Variants in DTNBP1 observed in about 807,000 individuals in gnomAD.
DTNBP1 encodes the protein dysbindin.
In DTNBP1, 35 loss-of-function variants were observed where a neutral mutation model predicts 42.8. The observed-to-expected ratio is 0.82, with a 90% CI of 0.63 to 1.09. DTNBP1 has a LOEUF of 1.09. DTNBP1 is among the 50% of genes least tolerant of loss of function. The pLI, the probability that DTNBP1 is intolerant of heterozygous loss-of-function variation, is 0.00. For missense variants in DTNBP1, 457 were observed against 424.2 expected (o/e 1.08, Z -0.68); for synonymous variants, 171 against 162.2 (o/e 1.05, Z -0.41).
intron 6 of DTNBP1, among the ~76,000 whole-genome samples, chr6:15,609,624 T>G (rs981878419): frequency 1.3e-5 from 2 of 152,214 alleles, no homozygotes; most frequent in African/African-American, 4.8e-5. Context: ...CAGCCTCGTT[T>G]TTAAGTTTTC....
intron 7 of DTNBP1, among the ~76,000 whole-genome samples, chr6:15,572,133 A>G (rs1429065549): frequency 6.6e-6 from 1 of 152,190 alleles, no homozygotes; most frequent in African/African-American, 2.4e-5. Flanking sequence ...CATTTATTCC[A>G]TATTTATTGT....
At chr6:15,572,151 G>A (rs1581341345) in intron 7 of DTNBP1, among the ~76,000 whole-genome samples, 2 of 152,110 alleles carry the variant, frequency 1.3e-5, no homozygotes, top group Non-Finnish European at 2.9e-5. Flanking sequence ...TGTATGGCTA[G>A]CACTGTTATT....
chr6:15,640,201 T>TA (rs1214604212), intron 3 of DTNBP1, among the ~76,000 whole-genome samples: 2 of 152,220 alleles, frequency 1.3e-5, no homozygotes, highest in South Asian at 2.1e-4. Context: ...AATCAGCACT[T>TA]AAAAAAAATT....
rs1760238964 is a variant in DTNBP1 at position 15,639,903 on chromosome 6, G to A, written c.162-2099C>T. On this transcript the variant is annotated intron_variant, in intron 3 of 9. Coordinates refer to ENST00000344537, the MANE Select transcript of DTNBP1 (RefSeq NM_032122.5). ...AATTAATCCTCACTTGCCAAATTTA[G>A]ACTCCAGATCACTTTTCCTAACATC... Among the ~76,000 whole-genome samples, 4 of 152,148 alleles carry A rather than the reference G, an allele frequency of 2.6e-5. No homozygotes were observed. The South Asian group carries it at 6.2e-4, about 24-fold the overall frequency.
chr6:15,594,557 C>G (rs1246538370), intron 6 of DTNBP1, among the ~76,000 whole-genome samples: 1 of 151,826 alleles, frequency 6.6e-6, no homozygotes, highest in African/African-American at 2.4e-5. Flanking sequence ...TTCTTAAAAG[C>G]TTAGCTAGGT....
At chr6:15,604,316 G>A (rs923993725) in intron 6 of DTNBP1, among the ~76,000 whole-genome samples, 1 of 152,194 alleles carries the variant, frequency 6.6e-6, no homozygotes, top group African/African-American at 2.4e-5. Flanking sequence ...AAGTTCTCCT[G>A]CTCCCCTTTT....
chr6:15,590,858 G>A (rs1776270776), intron 7 of DTNBP1, among the ~76,000 whole-genome samples: 1 of 152,036 alleles, frequency 6.6e-6, no homozygotes, highest in African/African-American at 2.4e-5. Context: ...TAACTTTGAG[G>A]GTTACTAATT....
intron 7 of DTNBP1, chr6:15,548,440 C>CAG (rs1404322624): frequency 0.081 from 2,366 of 29,370 alleles, 49 homozygotes; most frequent in African/African-American, 0.18. Context: ...CACACACAGA[C>CAG]ACACACACAC....
chr6:15,616,624 A>G (rs1296192916), intron 5 of DTNBP1, among the ~76,000 whole-genome samples: 5 of 152,150 alleles, frequency 3.3e-5, no homozygotes, highest in African/African-American at 9.7e-5. Context: ...GCTACAATAT[A>G]ATTCCTTCAT....
intron 4 of DTNBP1, among the ~76,000 whole-genome samples, chr6:15,627,861 C>G (rs918698957): frequency 6.6e-6 from 1 of 150,858 alleles, no homozygotes; most frequent in African/African-American, 2.4e-5. Context: ...ACATAATTAA[C>G]GGGTAATTAT....
At chr6:15,574,546 C>T (rs1432758845) in intron 7 of DTNBP1, among the ~76,000 whole-genome samples, 5 of 152,208 alleles carry the variant, frequency 3.3e-5, no homozygotes, top group Non-Finnish European at 5.9e-5. Flanking sequence ...TTTCAGTTTG[C>T]TCTGAGCATA....
intron 4 of DTNBP1, among the ~76,000 whole-genome samples, chr6:15,629,597 TAATTATCAAC>T (rs1025307105): frequency 4.6e-5 from 7 of 152,282 alleles, no homozygotes; most frequent in Admixed American, 2.6e-4. Flanking sequence ...AAATTATCAA[TAATTATCAAC>T]AATTATACAA....
intron 7 of DTNBP1, among the ~76,000 whole-genome samples, chr6:15,560,127 GAACCCCATCTCTACT>G (rs1047744103): frequency 1.3e-4 from 20 of 152,076 alleles, no homozygotes; most frequent in African/African-American, 4.6e-4. Flanking sequence ...CTAACAGGGG[GAACCCCATCTCTACT>G]AAAAATACAA....
intron 7 of DTNBP1, among the ~76,000 whole-genome samples, chr6:15,560,721 G>C (rs1372451093): frequency 6.6e-6 from 1 of 152,206 alleles, no homozygotes; most frequent in Admixed American, 6.5e-5. Context: ...GGTAAGTAAA[G>C]AATGTCACTT....
chr6:15,540,909 T>G lies in DTNBP1; in HGVS notation c.512-7514A>C, dbSNP rs543613936. On this transcript the variant is annotated intron_variant, in intron 7 of 9. Transcript: ENST00000344537. ...CGCCTGCCTTGGCCTCCCAAAGTGC[T>G]GGGATTACAGGTGTGAGCCAATGTG... is the stretch of plus-strand genomic sequence containing the variant. Among the ~76,000 whole-genome samples the G allele has an allele frequency of 1.9e-3, 294 of 152,322 alleles. 4 individuals carry two copies. The Middle Eastern group carries it at 0.024, about 12-fold the overall frequency.
At chr6:15,627,510 A>G (rs376894282) in intron 4 of DTNBP1, 35 bp from the exon 5 acceptor site, 2 of 1,612,820 alleles carry the variant, frequency 1.2e-6, no homozygotes, top group African/African-American at 2.7e-5. Flanking sequence ...AAGTGAAACC[A>G]GGTTTTAGGC....
intron 1 of DTNBP1, among the ~76,000 whole-genome samples, chr6:15,653,589 T>C (rs967937569): frequency 6.6e-6 from 1 of 152,244 alleles, no homozygotes; most frequent in African/African-American, 2.4e-5. Context: ...AACTGTACAA[T>C]TTATTTTCAC....
In DTNBP1 at chr6:15,587,585, TACATTATGGTC is replaced by T. The variant is rs1436130865; in HGVS notation, c.511+5463_511+5473del. Among the ~76,000 whole-genome samples the T allele has an allele frequency of 6.6e-6, 1 of 152,160 alleles. No homozygotes were observed. Among genetic ancestry groups the T allele is most frequent in the Non-Finnish European group, 1.5e-5 (1 of 68,026 alleles). The stretch of plus-strand genomic sequence containing the variant: ...AGTTGAGAGTTCAGAAAAAAACTCT[TACATTATGGTC>T]ACTGGTTTCCTACAAAGGTGCCAAA... On this transcript the variant is annotated intron_variant, in intron 7 of 9. Coordinates refer to ENST00000344537, the MANE Select transcript of DTNBP1 (RefSeq NM_032122.5). This position sits in a 1 kb window ranked among gnomAD's most constrained non-coding sequence, Gnocchi z 4.1.
chr6:15,557,340 G>T (rs192016616), intron 7 of DTNBP1, among the ~76,000 whole-genome samples: 8 of 151,984 alleles, frequency 5.3e-5, no homozygotes, highest in South Asian at 2.1e-4. Context: ...ATTGTGAAAG[G>T]TTTGTGAAAG....
Sources: allele counts gnomAD v4.1 joint callset (sites outside exome capture counted in the v4.1 genomes callset), GRCh38; gene constraint gnomAD v4.1.1; non-coding constraint Gnocchi (gnomAD v3.1); transcripts MANE v1.5; gene names NCBI Gene and HGNC (gene_info 2026-07-23, HGNC 2026-07-21).